The following CHD9NB variants were observed in gnomAD, a reference collection of about 807,000 sequenced individuals.
CHD9NB encodes CHD9 neighbor protein.
At chr16:53,036,235 G>A in the CHD9NB span, among the ~76,000 whole-genome samples, 8 of 152,106 alleles carry the variant, frequency 5.3e-5, no homozygotes, top group Admixed American at 1.3e-4. Flanking sequence ...TGTCTCACCC[G>A]TAAGGTATGA....
At chr16:53,046,731 A>C in the CHD9NB span, among the ~76,000 whole-genome samples, 1 of 151,974 alleles carries the variant, frequency 6.6e-6, no homozygotes. Flanking sequence ...GCCTGTGACC[A>C]CCTCTCCCAG....
chr16:53,052,511 T>C, the CHD9NB span, among the ~76,000 whole-genome samples: 3 of 152,324 alleles, frequency 2.0e-5, no homozygotes, highest in East Asian at 5.8e-4. Context: ...CTCTGCAGTT[T>C]CCAGAAACAC....
the CHD9NB span, among the ~76,000 whole-genome samples, chr16:53,050,536 C>T: frequency 6.6e-6 from 1 of 152,176 alleles, no homozygotes; most frequent in African/African-American, 2.4e-5. Flanking sequence ...TAATTGCTTC[C>T]TGGGATTTTT....
chr16:53,040,474 T>C, the CHD9NB span, among the ~76,000 whole-genome samples: 2 of 152,208 alleles, frequency 1.3e-5, no homozygotes, highest in Admixed American at 1.3e-4. Context: ...ATGCAGTTCT[T>C]GTATCCAACT....
the CHD9NB span, among the ~76,000 whole-genome samples, chr16:53,047,770 G>A: frequency 1.3e-5 from 2 of 152,114 alleles, no homozygotes; most frequent in African/African-American, 4.8e-5. Flanking sequence ...GGCCGAGGTG[G>A]GTGGATCACT....
At chr16:53,044,935 A>AT in the CHD9NB span, among the ~76,000 whole-genome samples, 10 of 151,036 alleles carry the variant, frequency 6.6e-5, 1 homozygote, top group African/African-American at 1.2e-4. Context: ...TTACTTTCTT[A>AT]TTTTTTTTTA....
the CHD9NB span, among the ~76,000 whole-genome samples, chr16:53,038,111 G>A: frequency 9.9e-5 from 15 of 152,252 alleles, no homozygotes; most frequent in African/African-American, 2.9e-4. Flanking sequence ...GAGCTCCAAC[G>A]TCTGAGGACA....
the CHD9NB span, among the ~76,000 whole-genome samples, chr16:53,041,122 C>T: frequency 7.2e-5 from 11 of 152,140 alleles, no homozygotes; most frequent in East Asian, 1.9e-3. Context: ...GGATAGATGG[C>T]TGGATGAAAG....
chr16:53,048,767 T>C, the CHD9NB span, among the ~76,000 whole-genome samples: 4 of 152,164 alleles, frequency 2.6e-5, no homozygotes, highest in Admixed American at 2.6e-4. Context: ...TGACTATAGG[T>C]CAGGAGAGTG....
chr16:53,036,628 G>A, the CHD9NB span, among the ~76,000 whole-genome samples: 1 of 152,176 alleles, frequency 6.6e-6, no homozygotes, highest in Non-Finnish European at 1.5e-5. Context: ...CTCCTGCCTT[G>A]AATCAAGTAA....
the CHD9NB span, among the ~76,000 whole-genome samples, chr16:53,038,997 C>G: frequency 6.6e-6 from 1 of 151,442 alleles, no homozygotes. Flanking sequence ...CTCATCTTCC[C>G]TTTAAACCTG....
the CHD9NB span, among the ~76,000 whole-genome samples, chr16:53,044,717 G>C: frequency 3.2e-4 from 42 of 130,584 alleles, no homozygotes; most frequent in African/African-American, 1.4e-3. Context: ...ATAGATGCTG[G>C]GTACTACTAC....
the CHD9NB span, among the ~76,000 whole-genome samples, chr16:53,048,465 CAAAA>C: frequency 2.6e-5 from 4 of 152,100 alleles, no homozygotes; most frequent in African/African-American, 9.7e-5. Context: ...GATCAAACAA[CAAAA>C]ATAAATAAAA....
At chr16:53,045,811 G>A in the CHD9NB span, among the ~76,000 whole-genome samples, 1 of 152,078 alleles carries the variant, frequency 6.6e-6, no homozygotes, top group Non-Finnish European at 1.5e-5. Context: ...GAGTGGTTAG[G>A]TCGGTTACCT....
At chr16:53,044,463 C>T in the CHD9NB span, among the ~76,000 whole-genome samples, 1 of 152,246 alleles carries the variant, frequency 6.6e-6, no homozygotes, top group African/African-American at 2.4e-5. Context: ...CCCACCACCA[C>T]CTCCTAGTTA....
At chr16:53,036,462 T>G in the CHD9NB span, among the ~76,000 whole-genome samples, 2 of 152,218 alleles carry the variant, frequency 1.3e-5, no homozygotes, top group Admixed American at 1.3e-4. Flanking sequence ...GTTTTGTCCT[T>G]GATAGATGCT....
At chr16:53,043,425 A>G in the CHD9NB span, 1 of 152,184 alleles carries the variant, frequency 6.6e-6, no homozygotes, top group East Asian at 1.9e-4. Context: ...ACGGGATCCC[A>G]GTGGGATCCT....
At chr16:53,045,572 A>G in the CHD9NB span, among the ~76,000 whole-genome samples, 1 of 152,144 alleles carries the variant, frequency 6.6e-6, no homozygotes, top group Non-Finnish European at 1.5e-5. Flanking sequence ...AGCTAGATGG[A>G]GGGTCACGCA....
chr16:53,040,831 T>C, the CHD9NB span, among the ~76,000 whole-genome samples: 1 of 152,176 alleles, frequency 6.6e-6, no homozygotes, highest in Non-Finnish European at 1.5e-5. Flanking sequence ...GCTGAATGTA[T>C]GAATAAATGG....
Sources: gnomAD v4.1 joint callset for allele counts (sites outside exome capture counted in the v4.1 genomes callset) on GRCh38, gnomAD v4.1.1 for gene constraint, MANE v1.5 for transcripts, NCBI Gene and HGNC (gene_info 2026-07-23, HGNC 2026-07-21) for gene names.